Variants in CLIC5 observed in about 807,000 individuals in gnomAD.
CLIC5 encodes the protein CLIC family member 5.
A neutral mutation model predicts 24.7 loss-of-function variants in CLIC5; 20 were observed. The ratio of observed to expected loss-of-function variants is 0.81; its 90% confidence interval spans 0.57 to 1.18. CLIC5 has a LOEUF of 1.18. Ranked by LOEUF, CLIC5 falls within the 50% of genes most tolerant of loss-of-function variation. The pLI is 0.00. For missense variants in CLIC5, 341 were observed against 326.1 expected (o/e 1.05, Z -0.35); for synonymous variants, 159 against 135.6 (o/e 1.17, Z -1.20).
chr6:46,098,469 G>A, the CLIC5 span, among the ~76,000 whole-genome samples: 1 of 152,124 alleles, frequency 6.6e-6, no homozygotes, highest in Non-Finnish European at 1.5e-5. Context: ...TTACATTATA[G>A]GCAGGCTAAG....
chr6:46,111,994 C>T, the CLIC5 span, among the ~76,000 whole-genome samples: 1 of 62,536 alleles, frequency 1.6e-5, no homozygotes, highest in African/African-American at 5.1e-5. Flanking sequence ...AATTGTGGGT[C>T]AATAAAACCT....
chr6:45,977,246 G>C (rs1473634869), intron 1 of CLIC5, among the ~76,000 whole-genome samples: 1 of 151,734 alleles, frequency 6.6e-6, no homozygotes, highest in East Asian at 1.9e-4. Context: ...TCCACTTCAG[G>C]TGTTTATAGT....
chr6:46,121,691 CTT>C, the CLIC5 span, among the ~76,000 whole-genome samples: 4 of 152,148 alleles, frequency 2.6e-5, no homozygotes, highest in African/African-American at 9.7e-5. Flanking sequence ...AAACCCATCT[CTT>C]GTGCAGAGAC....
upstream of CLIC5, among the ~76,000 whole-genome samples, chr6:46,019,320 C>A (rs1581870142): frequency 6.6e-6 from 1 of 152,292 alleles, no homozygotes; most frequent in East Asian, 1.9e-4. Context: ...TTACAGAATT[C>A]ACTTCAAACA....
At position 45,962,411 on chromosome 6, in the gene CLIC5, A is replaced by G. The variant is rs143725638; in HGVS notation, c.64-7167T>C. 1.7e-3 allele frequency among the ~76,000 whole-genome samples: 258 copies of G among 149,836 alleles called. 1 individual carries two copies. The highest frequency in any genetic ancestry group is 6.0e-3 in the African/African-American group (244 of 40,752). On this transcript the variant is annotated intron_variant, in intron 1 of 5. Coordinates refer to ENST00000339561, the MANE Select transcript of CLIC5 (RefSeq NM_016929.5). ...GAGGAGGGGGTCAGTCTTTTTTTCT[A>G]TGAGGCCTACCCACACTATAAAGGG...
chr6:45,971,219 T>C (rs1319027091), intron 1 of CLIC5, among the ~76,000 whole-genome samples: 1 of 152,232 alleles, frequency 6.6e-6, no homozygotes, highest in Non-Finnish European at 1.5e-5. Context: ...ATCTGGTATA[T>C]AGAATATGTG....
chr6:46,102,290 G>T, the CLIC5 span, among the ~76,000 whole-genome samples: 1 of 152,212 alleles, frequency 6.6e-6, no homozygotes, highest in East Asian at 1.9e-4. Flanking sequence ...AATAGATGGA[G>T]TTGGGAAACC....
chr6:46,018,719 A>G (rs1425466101), upstream of CLIC5: 1 of 152,236 alleles, frequency 6.6e-6, no homozygotes, highest in Admixed American at 6.5e-5. Flanking sequence ...AATTTTTACC[A>G]GGAAAGTACT....
rs115531124 is a variant in CLIC5 at position 45,904,801 on chromosome 6, G to A, written c.589-1546C>T. Among the ~76,000 whole-genome samples, 642 of 149,746 alleles carry A rather than the reference G, an allele frequency of 4.3e-3. 6 individuals are homozygous for A. Among genetic ancestry groups the A allele is most frequent in the Non-Finnish European group, 6.8e-3 (462 of 67,574 alleles). ...TGCAGGCTTGTTACCTGGGTATAAC[G>A]CATGATGCTGAGGTTTGGGGTATGA... is the stretch of plus-strand genomic sequence containing the variant. On this transcript the variant is annotated intron_variant, in intron 5 of 5. Coordinates refer to ENST00000339561, the MANE Select transcript of CLIC5 (RefSeq NM_016929.5).
chr6:46,006,019 C>CACACATGTATAAATATATAT (rs1561998716), intron 1 of CLIC5, among the ~76,000 whole-genome samples: 4 of 136,256 alleles, frequency 2.9e-5, no homozygotes, highest in Non-Finnish European at 6.2e-5. Context: ...TATATATACA[C>CACACATGTATAAATATATAT]ACATGTATAA....
At chr6:45,987,725 G>A (rs1765791886) in intron 1 of CLIC5, among the ~76,000 whole-genome samples, 1 of 152,208 alleles carries the variant, frequency 6.6e-6, no homozygotes, top group Non-Finnish European at 1.5e-5. Context: ...GGTAGACAGA[G>A]GGAGAAGGAG....
chr6:46,028,145 C>T (rs1271398945), intron 1 of CLIC5, among the ~76,000 whole-genome samples: 5 of 152,216 alleles, frequency 3.3e-5, no homozygotes, highest in African/African-American at 1.2e-4. Context: ...GACCTAAGCT[C>T]TGCCTTACTC....
At chr6:46,035,366 A>G (rs748956254) in intron 1 of CLIC5, among the ~76,000 whole-genome samples, 9 of 152,230 alleles carry the variant, frequency 5.9e-5, no homozygotes, top group African/African-American at 9.6e-5. Context: ...TAACAAGGTG[A>G]GTCATTTGTT....
chr6:45,978,730 G>A (rs1765468038), intron 1 of CLIC5, among the ~76,000 whole-genome samples: 1 of 152,192 alleles, frequency 6.6e-6, no homozygotes, highest in African/African-American at 2.4e-5. Flanking sequence ...GCTGAGGCGA[G>A]TGGATCACCT....
intron 1 of CLIC5, among the ~76,000 whole-genome samples, chr6:45,986,888 CTT>C (rs1241248521): frequency 6.6e-6 from 1 of 152,226 alleles, no homozygotes; most frequent in African/African-American, 2.4e-5. Flanking sequence ...TTAAAGGAGT[CTT>C]GTGCAGGGAC....
intron 5 of CLIC5, among the ~76,000 whole-genome samples, chr6:45,908,238 A>C (rs1210478974): frequency 2.0e-5 from 3 of 151,986 alleles, no homozygotes; most frequent in African/African-American, 7.2e-5. Flanking sequence ...GGTTTCATTG[A>C]TTCTTTGTAT....
intron 5 of CLIC5, chr6:45,912,423 G>A: frequency 8.7e-7 from 1 of 1,155,574 alleles, no homozygotes; most frequent in Non-Finnish European, 1.1e-6. Flanking sequence ...GAAGCCCAAG[G>A]CTTGGGAGAT....
chr6:45,889,355 C>T lies in CLIC5; in HGVS notation c.624-8167G>A, dbSNP rs1182537778. On this transcript the variant is annotated intron_variant, in intron 6 of 6. Coordinates refer to the CLIC5 transcript ENST00000644324. ...GAGAGCTCTACCCTCATGACTGAAT[C>T]GTCTTCTAAAGGCACCACCTCCTAA... Among the ~76,000 whole-genome samples, 3 of 152,086 alleles carry T rather than the reference C, an allele frequency of 2.0e-5. No individual in the cohort carries two copies. The East Asian group carries it at 5.8e-4, about 29-fold the overall frequency.
intron 4 of CLIC5, among the ~76,000 whole-genome samples, chr6:45,917,389 C>T (rs1379318928): frequency 6.6e-6 from 1 of 152,194 alleles, no homozygotes; most frequent in Non-Finnish European, 1.5e-5. Flanking sequence ...GTTCTCTGTT[C>T]CTTGCCCCAT....
Sources: allele counts gnomAD v4.1 joint callset (sites outside exome capture counted in the v4.1 genomes callset), GRCh38; gene constraint gnomAD v4.1.1; transcripts MANE v1.5; gene names NCBI Gene and HGNC (gene_info 2026-07-23, HGNC 2026-07-21).